Variants in PCDHGA9 observed in about 807,000 individuals in gnomAD.
PCDHGA9 encodes protocadherin gamma-A9.
PCDHGA9 carries 37 observed loss-of-function variants against 62.5 expected under a neutral mutation model. The observed-to-expected ratio is 0.59, with a 90% CI of 0.46 to 0.78. The LOEUF (loss-of-function observed/expected upper bound fraction) is 0.78. Ranked by LOEUF, PCDHGA9 falls within the 30% of genes least tolerant of loss-of-function variation. The pLI, the probability that PCDHGA9 is intolerant of heterozygous loss-of-function variation, is 0.00. For missense variants in PCDHGA9, 1,138 were observed against 1,166.2 expected (o/e 0.98, Z 0.35); for synonymous variants, 459 against 484.6 (o/e 0.95, Z 0.69).
rs1439461935 is a variant in PCDHGA9 at position 141,511,976 on chromosome 5, G to A, written c.*803G>A. ...ATAAGGAAGGGAAGTGTGTGGATGT[G>A]GATGGTGGGGGCATGGACAAAGCTT... is the stretch of plus-strand genomic sequence containing the variant. On this transcript the variant is annotated 3_prime_UTR_variant, in exon 4 of 4. Coordinates refer to ENST00000573521, the MANE Select transcript of PCDHGA9 (RefSeq NM_018921.3). 6.5e-6 allele frequency: 1 copy of A among 153,384 alleles called. No homozygotes were observed. Among genetic ancestry groups the A allele is most frequent in the Non-Finnish European group, 1.5e-5 (1 of 68,664 alleles). 9.5% of individuals were successfully genotyped at this position (153,384 alleles called of 1,614,324 possible).
chr5:141,460,388 G>T (rs1425099375), intron 1 of PCDHGA9, among the ~76,000 whole-genome samples: 1 of 151,774 alleles, frequency 6.6e-6, no homozygotes, highest in East Asian at 1.9e-4. Context: ...TTATAATTTG[G>T]TCTATGAATC....
At chr5:141,443,317 C>A (rs898636207) in intron 1 of PCDHGA9, among the ~76,000 whole-genome samples, 39 of 142,046 alleles carry the variant, frequency 2.7e-4, no homozygotes, top group Non-Finnish European at 2.5e-4. Context: ...CCCATCTCTA[C>A]AAAAAAAAAA....
intron 1 of PCDHGA9, chr5:141,423,314 T>C: frequency 6.2e-7 from 1 of 1,614,178 alleles, no homozygotes; most frequent in Non-Finnish European, 8.5e-7. Context: ...TACTTGGTGG[T>C]GGCGGTGGCC....
In PCDHGA9 at chr5:141,431,892, A is replaced by G. The variant is rs1456048000; in HGVS notation, c.2424+26516A>G. The G allele has an allele frequency of 2.1e-5, 34 of 1,614,054 alleles. No homozygotes were observed. Among genetic ancestry groups the G allele is most frequent in the Non-Finnish European group, 2.7e-5 (32 of 1,179,972 alleles). ...AATGTAAATGACCAAGATTCTGAGG[A>G]AAACGGACAGGTGATCTGTTTCATC... is the stretch of plus-strand genomic sequence containing the variant. On this transcript the variant is annotated intron_variant, in intron 1 of 3. Transcript: ENST00000573521. The surrounding 1 kb of genome is among the most constrained non-coding windows in gnomAD (Gnocchi z 4.8).
rs11952292 is a variant in PCDHGA9 at position 141,491,682 on chromosome 5, G to T, written c.2425-3125G>T. The T allele has an allele frequency of 0.072, 115,891 of 1,613,112 alleles. 4,572 individuals carry two copies. The highest frequency in any genetic ancestry group is 0.11 in the South Asian group (9,996 of 91,042). ...ACGCCATCCGGTCCCGCTCTAATAC[G>T]CTGCGGGAGCGGAGCCAGGTGAGGG... On this transcript the variant is annotated intron_variant, in intron 1 of 3. Coordinates refer to ENST00000573521, the MANE Select transcript of PCDHGA9 (RefSeq NM_018921.3). The surrounding 1 kb of genome is among the most constrained non-coding windows in gnomAD (Gnocchi z 6.9).
rs1289890545 is a variant in PCDHGA9, at chr5:141,414,874, C to T, written c.2424+9498C>T. ...CCAGAACGACAATGCGCCCGAGATC[C>T]TGTACCCCGCCCTCCCCACAGACGG... is the stretch of plus-strand genomic sequence containing the variant. On this transcript the variant is annotated intron_variant, in intron 1 of 3. Transcript: ENST00000573521. 3.7e-6 allele frequency: 6 copies of T among 1,614,136 alleles called. No individual in the cohort carries two copies. The African/African-American group carries it at 8.0e-5, about 22-fold the overall frequency.
intron 1 of PCDHGA9, chr5:141,428,009 A>G (rs778602169): frequency 3.7e-6 from 6 of 1,602,358 alleles, no homozygotes; most frequent in African/African-American, 2.7e-5. Context: ...TCTTCGATAT[A>G]GTGCCACGCG....
chr5:141,450,264 C>T (rs1395960399), intron 1 of PCDHGA9, among the ~76,000 whole-genome samples: 1 of 152,112 alleles, frequency 6.6e-6, no homozygotes, highest in Non-Finnish European at 1.5e-5. Flanking sequence ...GTGATCTGCC[C>T]ACCTCAGCTA....
intron 3 of PCDHGA9, among the ~76,000 whole-genome samples, chr5:141,505,999 G>A (rs891447053): frequency 1.3e-5 from 2 of 152,172 alleles, no homozygotes; most frequent in African/African-American, 4.8e-5. Flanking sequence ...TTTATGCGAG[G>A]CTCCTCTTTT....
intron 1 of PCDHGA9, chr5:141,415,006 C>T (rs1353721901): frequency 1.2e-6 from 2 of 1,613,652 alleles, no homozygotes; most frequent in Non-Finnish European, 8.5e-7. Flanking sequence ...GCTGTCCTAC[C>T]GTCTGCTCAA....
intron 1 of PCDHGA9, chr5:141,414,969 G>A (rs764972439): frequency 7.4e-6 from 12 of 1,613,954 alleles, no homozygotes; most frequent in South Asian, 1.1e-5. Context: ...TGGTGGCGGT[G>A]GACAGAGACT....
chr5:141,410,849 C>G, intron 1 of PCDHGA9: 1 of 136,716 alleles, frequency 7.3e-6, no homozygotes, highest in Non-Finnish European at 1.2e-5. Flanking sequence ...TTGTCTTTGT[C>G]TTTTTTTTTT....
intron 1 of PCDHGA9, among the ~76,000 whole-genome samples, chr5:141,457,863 C>A (rs2098930968): frequency 6.6e-6 from 1 of 152,194 alleles, no homozygotes; most frequent in Non-Finnish European, 1.5e-5. Flanking sequence ...TCTTCACTGA[C>A]CACAGGTTAG....
chr5:141,432,528 A>T lies in PCDHGA9; in HGVS notation c.2424+27152A>T. The T allele has an allele frequency of 1.2e-6, 2 of 1,613,804 alleles. No homozygotes were observed. The highest frequency in any genetic ancestry group is 1.7e-6 in the Non-Finnish European group (2 of 1,180,000). ...GCAGAGCCCGGCTACCTGGTGACCA[A>T]GGTGGTGGCGGTGGACAGAGACTCC... is the stretch of plus-strand genomic sequence containing the variant. On this transcript the variant is annotated intron_variant, in intron 1 of 3. Transcript: ENST00000573521. This position sits in a 1 kb window ranked among gnomAD's most constrained non-coding sequence, Gnocchi z 6.0.
rs759356451 is a variant in PCDHGA9, at chr5:141,476,397, G to C, written c.2425-18410G>C. On this transcript the variant is annotated intron_variant, in intron 1 of 3. Transcript: ENST00000573521. The surrounding 1 kb of genome is among the most constrained non-coding windows in gnomAD (Gnocchi z 7.6). ...ATGTTTGTGAACGACCGTCTGGATC[G>C]AGAGGAGCTGTGTGGGACACTGCCC... The C allele has an allele frequency of 6.2e-7, 1 of 1,614,142 alleles. No individual in the cohort carries two copies. The highest frequency in any genetic ancestry group is 8.5e-7 in the Non-Finnish European group (1 of 1,180,036).
At chr5:141,505,302 G>A (rs1733345360) in intron 2 of PCDHGA9, 91 bp from the exon 3 acceptor site, 1 of 1,592,596 alleles carries the variant, frequency 6.3e-7, no homozygotes, top group Admixed American at 1.7e-5. Flanking sequence ...TAGGGTTAGG[G>A]TACTAGGTTT....
intron 2 of PCDHGA9, 147 bp from the exon 3 acceptor site, chr5:141,505,246 G>A (rs2099844792): frequency 2.1e-6 from 3 of 1,436,556 alleles, no homozygotes; most frequent in African/African-American, 1.4e-5. Flanking sequence ...AAGGATTGTA[G>A]AAGTGCCTCC....
At chr5:141,459,763 G>A (rs1243169814) in intron 1 of PCDHGA9, among the ~76,000 whole-genome samples, 1 of 152,206 alleles carries the variant, frequency 6.6e-6, no homozygotes, top group South Asian at 2.1e-4. Context: ...GTGGGTGTGT[G>A]ATACTATCTC....
chr5:141,458,549 T>A (rs2098948402), intron 1 of PCDHGA9, among the ~76,000 whole-genome samples: 1 of 148,072 alleles, frequency 6.8e-6, no homozygotes, highest in African/African-American at 2.6e-5. Flanking sequence ...ATTTTGTTTG[T>A]TTGTTTTGGT....
Sources: gnomAD v4.1 joint callset for allele counts (sites outside exome capture counted in the v4.1 genomes callset) on GRCh38, gnomAD v4.1.1 for gene constraint, Gnocchi (gnomAD v3.1) non-coding constraint, MANE v1.5 for transcripts, NCBI Gene and HGNC (gene_info 2026-07-23, HGNC 2026-07-21) for gene names.